Variants in CCDC85A observed in about 807,000 individuals in gnomAD.
CCDC85A encodes coiled-coil domain containing 85A, also known as coiled-coil domain-containing protein 85A.
CCDC85A carries 38 observed loss-of-function variants against 50.2 expected under a neutral mutation model. The ratio of observed to expected loss-of-function variants is 0.76; its 90% confidence interval spans 0.58 to 0.99. CCDC85A has a LOEUF of 0.99. CCDC85A is among the 50% of genes least tolerant of loss of function. The pLI, the probability that CCDC85A is intolerant of heterozygous loss-of-function variation, is 0.00. For missense variants in CCDC85A, 820 were observed against 742.0 expected, an observed-to-expected ratio of 1.11 and a Z score of -1.22; for synonymous variants, 366 against 301.4, an observed-to-expected ratio of 1.21 and a Z score of -2.22.
At chr2:56,274,736 G>T (rs1050232827) in intron 2 of CCDC85A, among the ~76,000 whole-genome samples, 2 of 152,210 alleles carry the variant, frequency 1.3e-5, no homozygotes, top group African/African-American at 2.4e-5. Context: ...CGTAAGCTAT[G>T]TCTTAGTCTG....
At chr2:56,222,077 C>G (rs1668350738) in intron 2 of CCDC85A, among the ~76,000 whole-genome samples, 1 of 152,068 alleles carries the variant, frequency 6.6e-6, no homozygotes, top group South Asian at 2.1e-4. Flanking sequence ...CTAACCATCT[C>G]TTAAAAGCCC....
intron 2 of CCDC85A, among the ~76,000 whole-genome samples, chr2:56,279,173 G>C (rs1671093417): frequency 6.6e-6 from 1 of 152,150 alleles, no homozygotes; most frequent in African/African-American, 2.4e-5. Flanking sequence ...ACTCAGTTTA[G>C]GTGTGTGGCT....
chr2:56,221,939 T>C (rs538194555), intron 2 of CCDC85A, among the ~76,000 whole-genome samples: 3 of 152,118 alleles, frequency 2.0e-5, no homozygotes, highest in Non-Finnish European at 2.9e-5. Context: ...GGTATAAGGA[T>C]AGAAGGGTGG....
intron 2 of CCDC85A, among the ~76,000 whole-genome samples, chr2:56,252,469 G>A (rs996911483): frequency 6.6e-6 from 1 of 152,090 alleles, no homozygotes; most frequent in Non-Finnish European, 1.5e-5. Flanking sequence ...ATCAAATAAC[G>A]TAAAATTGCA....
At chr2:56,194,474 GTTTT>G (rs1292274302) in intron 2 of CCDC85A, among the ~76,000 whole-genome samples, 1 of 152,118 alleles carries the variant, frequency 6.6e-6, no homozygotes, top group Admixed American at 6.5e-5. Context: ...ATATCTGAGG[GTTTT>G]TGCTTTATTT....
At chr2:56,362,546 G>A (rs1201776913) in intron 3 of CCDC85A, among the ~76,000 whole-genome samples, 1 of 151,988 alleles carries the variant, frequency 6.6e-6, no homozygotes, top group Non-Finnish European at 1.5e-5. Context: ...GATGGAGAAG[G>A]AGAGAGGAGC....
intron 3 of CCDC85A, among the ~76,000 whole-genome samples, chr2:56,369,973 G>A (rs2216334): frequency 0.026 from 3,910 of 152,192 alleles, 162 homozygotes; most frequent in African/African-American, 0.089. Flanking sequence ...TATGATTTCT[G>A]TGAGTACTTA....
chr2:56,282,239 T>A (rs1202541796), intron 2 of CCDC85A, among the ~76,000 whole-genome samples: 4 of 152,090 alleles, frequency 2.6e-5, no homozygotes, highest in Non-Finnish European at 4.4e-5. Flanking sequence ...TGTGTGGATC[T>A]TTTTTTAGAT....
chr2:56,354,510 A>G (rs1675123021), intron 3 of CCDC85A, among the ~76,000 whole-genome samples: 1 of 152,216 alleles, frequency 6.6e-6, no homozygotes, highest in South Asian at 2.1e-4. Context: ...AATAGCCACT[A>G]AGAAGTGGAT....
At chr2:56,232,405 C>A (rs1236971774) in intron 2 of CCDC85A, among the ~76,000 whole-genome samples, 6 of 152,162 alleles carry the variant, frequency 3.9e-5, no homozygotes, top group Non-Finnish European at 7.3e-5. Flanking sequence ...TGTGTCCCCA[C>A]ACAAATCTCA....
At chr2:56,372,626 G>A (rs1301663845) in intron 4 of CCDC85A, 148 bp downstream of exon 4, 1 of 977,350 alleles carries the variant, frequency 1.0e-6, no homozygotes, top group Non-Finnish European at 1.4e-6. Flanking sequence ...GGGAGGATGG[G>A]AGTAGAATTT....
upstream of CCDC85A, chr2:56,183,987 C>T: frequency 1.0e-6 from 1 of 985,758 alleles, no homozygotes; most frequent in South Asian, 4.7e-5. Flanking sequence ...CCACCCTCCA[C>T]CCCTTCTCGA....
chr2:56,354,770 A>G (rs183367981), intron 3 of CCDC85A, among the ~76,000 whole-genome samples: 9 of 152,356 alleles, frequency 5.9e-5, no homozygotes, highest in Admixed American at 5.9e-4. Flanking sequence ...TTGTTTCACT[A>G]CTTAGGGGCC....
At chr2:56,323,784 G>A (rs538473986) in intron 2 of CCDC85A, among the ~76,000 whole-genome samples, 20 of 152,044 alleles carry the variant, frequency 1.3e-4, no homozygotes, top group Non-Finnish European at 2.4e-4. Context: ...TTCACCATAT[G>A]TATTAGGAAC....
chr2:56,286,616 C>T (rs1671456823), intron 2 of CCDC85A, among the ~76,000 whole-genome samples: 1 of 151,954 alleles, frequency 6.6e-6, no homozygotes, highest in Admixed American at 6.6e-5. Flanking sequence ...ATTTATATGT[C>T]CATATTTTCC....
intron 2 of CCDC85A, among the ~76,000 whole-genome samples, chr2:56,296,085 C>G (rs772693684): frequency 6.6e-6 from 1 of 152,204 alleles, no homozygotes; most frequent in Non-Finnish European, 1.5e-5. Context: ...TTCCTTTCCT[C>G]TATGTGAAAA....
intron 1 of CCDC85A, among the ~76,000 whole-genome samples, chr2:56,189,341 C>A (rs1262770089): frequency 7.6e-6 from 1 of 132,444 alleles, no homozygotes; most frequent in Non-Finnish European, 1.5e-5. Flanking sequence ...GTTGCCCAGG[C>A]TGTAGTGTAT....
At chr2:56,275,319 T>C (rs1279272276) in intron 2 of CCDC85A, among the ~76,000 whole-genome samples, 1 of 152,202 alleles carries the variant, frequency 6.6e-6, no homozygotes, top group Admixed American at 6.5e-5. Context: ...TAACTTTTAT[T>C]TGTAGTCCTT....
At chr2:56,307,108 A>T (rs1349839707) in intron 2 of CCDC85A, among the ~76,000 whole-genome samples, 3 of 152,192 alleles carry the variant, frequency 2.0e-5, no homozygotes, top group Non-Finnish European at 4.4e-5. Flanking sequence ...GATTATCTTT[A>T]TAATTTAGTT....
Sources: allele counts gnomAD v4.1 joint callset (sites outside exome capture counted in the v4.1 genomes callset), GRCh38; gene constraint gnomAD v4.1.1; transcripts MANE v1.5; gene names NCBI Gene and HGNC (gene_info 2026-07-23, HGNC 2026-07-21).